SNTG2: variants seen among roughly 807,000 people sequenced by gnomAD.
SNTG2 encodes syntrophin gamma 2, also known as gamma-2-syntrophin.
In SNTG2, 74 loss-of-function variants were observed where a neutral mutation model predicts 70.9. The ratio of observed to expected loss-of-function variants is 1.04; its 90% CI spans 0.86 to 1.27. SNTG2 has a LOEUF of 1.27. Among genes scored for constraint, SNTG2 ranks in the 50% most tolerant of loss-of-function variants. SNTG2 has a pLI of 0.00. For missense variants in SNTG2, 717 were observed against 690.7 expected, an observed-to-expected ratio of 1.04 and a Z score of -0.43; for synonymous variants, 278 against 273.8, an observed-to-expected ratio of 1.02 and a Z score of -0.15.
chr2:1,266,751 C>CTTTTTTTT (rs59679083), intron 13 of SNTG2, among the ~76,000 whole-genome samples: 2,952 of 107,754 alleles, frequency 0.027, 357 homozygotes, highest in African/African-American at 0.086. Context: ...TCATCTTTAT[C>CTTTTTTTT]TTTTTTTTTT....
At chr2:1,077,729 T>A (rs1664017239) in intron 1 of SNTG2, among the ~76,000 whole-genome samples, 1 of 152,204 alleles carries the variant, frequency 6.6e-6, no homozygotes, top group African/African-American at 2.4e-5. Flanking sequence ...AGGTTTTTAT[T>A]TTGTTTTTCT....
chr2:1,150,734 T>C (rs1217600312), intron 6 of SNTG2, among the ~76,000 whole-genome samples: 2 of 152,198 alleles, frequency 1.3e-5, no homozygotes, highest in African/African-American at 2.4e-5. Context: ...GGTCAGAATT[T>C]AGAGGGTCAG....
chr2:970,600 A>T (rs75056868), intron 1 of SNTG2, among the ~76,000 whole-genome samples: 66 of 142,016 alleles, frequency 4.6e-4, no homozygotes, highest in African/African-American at 1.7e-3. Flanking sequence ...ACATGAACTC[A>T]TCATTTTTTA....
intron 7 of SNTG2, among the ~76,000 whole-genome samples, 167 bp downstream of exon 7, chr2:1,165,802 G>A (rs181336797): frequency 2.0e-4 from 31 of 152,306 alleles, no homozygotes; most frequent in Admixed American, 1.8e-3. Context: ...GTCCCATGAC[G>A]TTGTATGTTT....
intron 1 of SNTG2, among the ~76,000 whole-genome samples, chr2:1,059,784 A>G (rs1241133323): frequency 6.6e-6 from 1 of 152,182 alleles, no homozygotes; most frequent in Non-Finnish European, 1.5e-5. Flanking sequence ...TTAAAGCTTA[A>G]AGATCCAAAA....
intron 16 of SNTG2, among the ~76,000 whole-genome samples, chr2:1,349,823 G>A (rs951841408): frequency 1.3e-5 from 2 of 152,170 alleles, no homozygotes; most frequent in African/African-American, 4.8e-5. Flanking sequence ...TGTTCATCGT[G>A]AACCTGGGGA....
chr2:1,011,673 T>G (rs1659731390), intron 1 of SNTG2, among the ~76,000 whole-genome samples: 1 of 136,866 alleles, frequency 7.3e-6, no homozygotes, highest in African/African-American at 2.6e-5. Context: ...ATTAATATAA[T>G]TGCAGGCTTT....
intron 9 of SNTG2, among the ~76,000 whole-genome samples, chr2:1,231,638 G>C (rs1018826815): frequency 1.3e-5 from 2 of 152,094 alleles, no homozygotes; most frequent in African/African-American, 4.8e-5. Context: ...TCCCTCCTCT[G>C]TTTCCTTCTT....
rs566867925 is a variant in SNTG2, at chr2:1,327,918, GAA to G, written c.1488+11546_1488+11547del. On this transcript the variant is annotated intron_variant, in intron 16 of 16. Coordinates refer to ENST00000308624, the MANE Select transcript of SNTG2 (RefSeq NM_018968.4). ...TACCTGAGGCTGAGTAATTTATAAA[GAA>G]AAGAGATATACTTAGTTTATGCTTC... is the stretch of plus-strand genomic sequence containing the variant. Among the ~76,000 whole-genome samples, 137 of 152,284 alleles carry G rather than the reference GAA, an allele frequency of 9.0e-4. 1 individual carries two copies. Among genetic ancestry groups the G allele is most frequent in the Admixed American group, 2.7e-3 (41 of 15,300 alleles).
intron 16 of SNTG2, among the ~76,000 whole-genome samples, chr2:1,330,643 G>A (rs1433872877): frequency 6.6e-6 from 1 of 152,114 alleles, no homozygotes; most frequent in Non-Finnish European, 1.5e-5. Context: ...CAATTAGTCG[G>A]GTTCCACAAC....
chr2:1,213,006 C>T (rs1674146318), intron 9 of SNTG2, among the ~76,000 whole-genome samples: 1 of 152,164 alleles, frequency 6.6e-6, no homozygotes, highest in Admixed American at 6.5e-5. Flanking sequence ...GGTTGGAAGC[C>T]AGCATCCTGT....
chr2:1,259,029 A>G (rs1439710668), intron 12 of SNTG2, among the ~76,000 whole-genome samples: 1 of 152,240 alleles, frequency 6.6e-6, no homozygotes, highest in Non-Finnish European at 1.5e-5. Flanking sequence ...AATTTAATCT[A>G]AAAGGAATCC....
chr2:1,289,867 G>A (rs918492923), intron 14 of SNTG2, among the ~76,000 whole-genome samples: 2 of 152,148 alleles, frequency 1.3e-5, no homozygotes, highest in African/African-American at 2.4e-5. Flanking sequence ...CAGATATTTC[G>A]TATGAGCAGA....
chr2:1,246,158 T>C (rs1677410590), intron 11 of SNTG2, among the ~76,000 whole-genome samples: 1 of 152,180 alleles, frequency 6.6e-6, no homozygotes, highest in Non-Finnish European at 1.5e-5. Flanking sequence ...AACTAAAACG[T>C]TTAATGCATC....
At chr2:1,348,251 C>T (rs1331750024) in intron 16 of SNTG2, among the ~76,000 whole-genome samples, 3 of 152,176 alleles carry the variant, frequency 2.0e-5, no homozygotes, top group Admixed American at 6.5e-5. Flanking sequence ...AGCCCCCCAG[C>T]CATCTGAATG....
At position 1,208,239 on chromosome 2, in the gene SNTG2, GGGCACACCTGTGAGTGTGA is replaced by G. The variant is rs1357581441; in HGVS notation, c.592-858_592-840del. ...AGCGCGGGTTACACCTGTGAGTGTG[GGGCACACCTGTGAGTGTGA>G]GGCACGCCCATGAGTGTGGGGCACA... On this transcript the variant is annotated intron_variant, in intron 8 of 16. Transcript: ENST00000308624. Among the ~76,000 whole-genome samples the G allele has an allele frequency of 3.4e-5, 5 of 145,610 alleles. 1 individual carries two copies. The highest frequency in any genetic ancestry group is 2.8e-4 in the Admixed American group (4 of 14,274).
intron 8 of SNTG2, among the ~76,000 whole-genome samples, chr2:1,191,787 C>G (rs1276352430): frequency 1.3e-5 from 2 of 152,108 alleles, no homozygotes; most frequent in Non-Finnish European, 2.9e-5. Flanking sequence ...GAGCGAGACT[C>G]TGTCTCAAAA....
intron 8 of SNTG2, among the ~76,000 whole-genome samples, chr2:1,202,847 T>C (rs1673363188): frequency 6.6e-6 from 1 of 152,176 alleles, no homozygotes; most frequent in African/African-American, 2.4e-5. Flanking sequence ...AAAAATAATA[T>C]GAGTTCATCA....
chr2:1,306,551 G>C (rs1003207101), intron 14 of SNTG2, among the ~76,000 whole-genome samples: 1 of 152,218 alleles, frequency 6.6e-6, no homozygotes, highest in Non-Finnish European at 1.5e-5. Flanking sequence ...GGAGCGGGGG[G>C]ACAGTGGAGG....
Sources: allele counts gnomAD v4.1 joint callset (sites outside exome capture counted in the v4.1 genomes callset), GRCh38; gene constraint gnomAD v4.1.1; transcripts MANE v1.5; gene names NCBI Gene and HGNC (gene_info 2026-07-23, HGNC 2026-07-21).